The following APBA1 variants were observed in gnomAD, a reference collection of about 807,000 sequenced individuals.
The protein encoded by APBA1 is amyloid-beta A4 precursor protein-binding family A member 1.
Under a neutral mutation model 86.6 loss-of-function variants are expected in APBA1, and 55 were observed. The ratio of observed to expected loss-of-function variants is 0.64; its 90% CI spans 0.51 to 0.80. The LOEUF (loss-of-function observed/expected upper bound fraction) is 0.80. Ranked by LOEUF, APBA1 falls within the 30% of genes least tolerant of loss-of-function variation. The pLI is 0.00. For synonymous variants in APBA1, 511 were observed against 493.9 expected (o/e 1.03, Z -0.46); for missense variants, 1,090 against 1,183.0 (o/e 0.92, Z 1.15).
intron 1 of APBA1, among the ~76,000 whole-genome samples, chr9:69,620,205 T>C (rs952838726): frequency 6.6e-6 from 1 of 152,244 alleles, no homozygotes; most frequent in Non-Finnish European, 1.5e-5. Context: ...TTTCTTTTTT[T>C]AATTCTCAAA....
chr9:69,576,265 G>A (rs1228234043), intron 1 of APBA1, among the ~76,000 whole-genome samples: 2 of 152,172 alleles, frequency 1.3e-5, no homozygotes, highest in Non-Finnish European at 2.9e-5. Flanking sequence ...TGGTGGGACT[G>A]TAAACTAGTT....
At chr9:69,589,696 C>A (rs1185676485) in intron 1 of APBA1, among the ~76,000 whole-genome samples, 1 of 152,124 alleles carries the variant, frequency 6.6e-6, no homozygotes, top group Non-Finnish European at 1.5e-5. Flanking sequence ...ATTCAGTTAG[C>A]TTTCAAAACA....
chr9:69,639,151 C>A (rs748771820), intron 1 of APBA1, among the ~76,000 whole-genome samples: 2 of 151,984 alleles, frequency 1.3e-5, no homozygotes, highest in Non-Finnish European at 2.9e-5. Flanking sequence ...GACATTTTTT[C>A]GGCATTATTT....
At position 69,516,126 on chromosome 9, in the gene APBA1, G is replaced by T. The variant is rs1308905549; in HGVS notation, c.1085C>A (p.Thr362Asn). 6.2e-7 allele frequency: 1 copy of T among 1,613,518 alleles called. No homozygotes were observed. ...GGTGTAAGGCGAACGGATGGTCCTGGTTTTCACCTCCTCGATGGCCTCCTT... is the reference window on the plus strand; with the variant it reads ...GGTGTAAGGCGAACGGATGGTCCTGTTTTTCACCTCCTCGATGGCCTCCTT... ...DIKEAIEEVK[T>N]RTIRSPYTPD... Residue 362 changes from threonine to asparagine, a missense_variant, in exon 2 of 13, where the codon ACC (threonine) becomes AAC (asparagine). Physicochemically the swap from Thr to Asn is moderately conservative, Grantham distance 65. This residue lies in a region of APBA1 where 678 missense variants were observed against 647.1 expected (regional missense o/e 1.05). Transcript: ENST00000265381. This position sits in a 1 kb window ranked among gnomAD's most constrained non-coding sequence, Gnocchi z 7.3.
chr9:69,646,150 A>C (rs1376844141), intron 1 of APBA1, among the ~76,000 whole-genome samples: 2 of 152,184 alleles, frequency 1.3e-5, no homozygotes, highest in African/African-American at 4.8e-5. Context: ...TATAATATCA[A>C]GTTTTTTTAT....
At chr9:69,435,854 G>T (rs1260085268) in intron 11 of APBA1, among the ~76,000 whole-genome samples, 2 of 152,166 alleles carry the variant, frequency 1.3e-5, no homozygotes, top group Admixed American at 1.3e-4. Flanking sequence ...TTTTAGACAT[G>T]AAGTACTTGC....
intron 1 of APBA1, among the ~76,000 whole-genome samples, chr9:69,669,462 CA>C (rs1305253709): frequency 2.0e-5 from 3 of 152,108 alleles, no homozygotes; most frequent in African/African-American, 4.8e-5. Context: ...CATCCATGCA[CA>C]AAAAATGGCT....
At chr9:69,618,270 T>G (rs536105779) in intron 1 of APBA1, among the ~76,000 whole-genome samples, 1 of 152,238 alleles carries the variant, frequency 6.6e-6, no homozygotes, top group East Asian at 1.9e-4. Flanking sequence ...CTTCATTGGC[T>G]CCCTACAGAA....
At chr9:69,469,008 G>A (rs776512412) in intron 4 of APBA1, among the ~76,000 whole-genome samples, 145 of 152,012 alleles carry the variant, frequency 9.5e-4, no homozygotes, top group African/African-American at 3.3e-3. Flanking sequence ...GAAACTACAG[G>A]CACTACCATG....
chr9:69,546,553 A>G (rs1316445671), intron 1 of APBA1, among the ~76,000 whole-genome samples: 1 of 152,202 alleles, frequency 6.6e-6, no homozygotes, highest in Non-Finnish European at 1.5e-5. Context: ...GTCTTTCTAT[A>G]GGTGTGACCA....
intron 10 of APBA1, 66 bp from the exon 11 acceptor site, chr9:69,441,181 G>A (rs1834816291): frequency 2.6e-6 from 4 of 1,553,696 alleles, no homozygotes; most frequent in Non-Finnish European, 3.5e-6. Context: ...ACAAAAGCAG[G>A]CAGCACCAAA....
chr9:69,540,180 TC>T (rs1269168648), intron 1 of APBA1, among the ~76,000 whole-genome samples: 1 of 150,438 alleles, frequency 6.6e-6, no homozygotes, highest in African/African-American at 2.4e-5. Context: ...TAAGACATGC[TC>T]CCTGACAACT....
At chr9:69,445,914 T>C (rs542206528) in intron 10 of APBA1, among the ~76,000 whole-genome samples, 7 of 152,110 alleles carry the variant, frequency 4.6e-5, no homozygotes, top group Non-Finnish European at 1.0e-4. Context: ...AAATGCAGAA[T>C]TCCACCCTAT....
At chr9:69,594,675 A>G (rs1449794740) in intron 1 of APBA1, among the ~76,000 whole-genome samples, 1 of 152,162 alleles carries the variant, frequency 6.6e-6, no homozygotes, top group Non-Finnish European at 1.5e-5. Flanking sequence ...TCTTGGTGAG[A>G]ATATGAACAA....
intron 1 of APBA1, among the ~76,000 whole-genome samples, chr9:69,613,997 G>A (rs1240766363): frequency 6.6e-6 from 1 of 152,028 alleles, no homozygotes; most frequent in Non-Finnish European, 1.5e-5. Flanking sequence ...AAGATTTTGA[G>A]TTTTATCAAA....
intron 2 of APBA1, among the ~76,000 whole-genome samples, chr9:69,511,682 A>T (rs1433757717): frequency 6.6e-6 from 1 of 152,128 alleles, no homozygotes; most frequent in Admixed American, 6.6e-5. Flanking sequence ...CCAAATGTCC[A>T]ACAATGACAG....
chr9:69,627,114 A>G (rs989559738), intron 1 of APBA1, among the ~76,000 whole-genome samples: 1 of 152,178 alleles, frequency 6.6e-6, no homozygotes, highest in African/African-American at 2.4e-5. Context: ...GCAGGTCATT[A>G]GAAAGAATAT....
intron 1 of APBA1, among the ~76,000 whole-genome samples, chr9:69,621,900 G>A (rs750749426): frequency 1.3e-5 from 2 of 152,190 alleles, no homozygotes; most frequent in Admixed American, 6.5e-5. Flanking sequence ...GGAACGCAGT[G>A]TTGGCTATGA....
chr9:69,636,890 A>AAGGAAGGAAGGAAG (rs1823180588), intron 1 of APBA1, among the ~76,000 whole-genome samples: 1 of 23,496 alleles, frequency 4.3e-5, no homozygotes, highest in South Asian at 4.3e-3. Context: ...AAGGAAGGAA[A>AAGGAAGGAAGGAAG]GAAGGAAGGA....
Sources: gnomAD v4.1 joint callset for allele counts (sites outside exome capture counted in the v4.1 genomes callset) on GRCh38, gnomAD v4.1.1 for gene constraint, gnomAD v4.1.1 regional missense constraint, Gnocchi (gnomAD v3.1) non-coding constraint, MANE v1.5 for transcripts, NCBI Gene and HGNC (gene_info 2026-07-23, HGNC 2026-07-21) for gene names.